Variants in WNT3 observed in about 807,000 individuals in gnomAD.
WNT3 encodes proto-oncogene Wnt-3.
WNT3 carries 7 observed loss-of-function variants against 34.2 expected under a neutral mutation model. That is an observed-to-expected ratio of 0.20 (90% CI 0.12 to 0.38). The LOEUF (loss-of-function observed/expected upper bound fraction) is 0.38. Ranked by LOEUF, WNT3 falls within the 10% of genes least tolerant of loss-of-function variation. WNT3 has a pLI of 1.00. For missense variants in WNT3, 267 were observed against 499.8 expected (o/e 0.53, Z 4.44); for synonymous variants, 212 against 211.5 (o/e 1.00, Z -0.02).
At chr17:46,811,360 T>C (rs1290016551) in intron 1 of WNT3, among the ~76,000 whole-genome samples, 1 of 152,012 alleles carries the variant, frequency 6.6e-6, no homozygotes, top group East Asian at 1.9e-4. Flanking sequence ...GCGGAAGTGA[T>C]TGTAGCTGCA....
Position 46,771,280 on chromosome 17 carries a change from C to T in WNT3, c.323-1232G>A, listed in dbSNP as rs543781286. ...GACGGCGGCAAGGGGGCCCGACGTC[C>T]CGCGTCCAGTTGTGCTCCCGGCCTC... is the stretch of plus-strand genomic sequence containing the variant. On this transcript the variant is annotated intron_variant, in intron 2 of 4. Coordinates refer to ENST00000225512, the MANE Select transcript of WNT3 (RefSeq NM_030753.5). 6.0e-4 allele frequency among the ~76,000 whole-genome samples: 92 copies of T among 152,234 alleles called. 1 individual carries two copies. The highest frequency in any genetic ancestry group is 2.1e-3 in the African/African-American group (86 of 41,574).
Position 46,768,919 on chromosome 17 carries a change from G to A in WNT3, c.589-120C>T, listed in dbSNP as rs1272992683. The A allele has an allele frequency of 2.8e-6, 4 of 1,440,092 alleles. No homozygotes were observed. The highest frequency in any genetic ancestry group is 2.7e-5 in the South Asian group (2 of 74,632). The allele number at this position is 1,440,092 out of a possible 1,614,324, so 89.2% of individuals were successfully genotyped here. ...CAGCCTTCTCTACTCCTCTGTGACA[G>A]GAAGAGAACTGATGGGGACTGAGGC... On this transcript the variant is annotated intron_variant, in intron 3 of 4. Coordinates refer to ENST00000225512, the MANE Select transcript of WNT3 (RefSeq NM_030753.5). The surrounding 1 kb of genome is among the most constrained non-coding windows in gnomAD (Gnocchi z 5.0).
At chr17:46,785,799 C>T (rs2146411053) in intron 1 of WNT3, among the ~76,000 whole-genome samples, 1 of 152,106 alleles carries the variant, frequency 6.6e-6, no homozygotes, top group Non-Finnish European at 1.5e-5. Flanking sequence ...GGGCCCTGTG[C>T]TCCATCCCAG....
At chr17:46,777,301 C>T (rs1170141897) in intron 1 of WNT3, among the ~76,000 whole-genome samples, 8 of 152,386 alleles carry the variant, frequency 5.2e-5, no homozygotes, top group Admixed American at 2.0e-4. Context: ...AAAGCCAGGC[C>T]GGCTGGCTTG....
intron 1 of WNT3, among the ~76,000 whole-genome samples, chr17:46,811,100 G>A (rs972052906): frequency 5.3e-5 from 8 of 152,094 alleles, no homozygotes; most frequent in South Asian, 2.1e-4. Flanking sequence ...AACTCCTCCC[G>A]GCTGTACAGG....
At position 46,810,221 on chromosome 17, in the gene WNT3, AG is replaced by A. The variant is rs764000994; in HGVS notation, c.80+8296del. On this transcript the variant is annotated intron_variant, in intron 1 of 4. Coordinates refer to ENST00000225512, the MANE Select transcript of WNT3 (RefSeq NM_030753.5). ...CAGGGTTTCACCATGTTGGCCAAGCAGGCCTCAAACTCCTGACCTCAGGTGA... is the reference window on the plus strand; with the variant it reads ...CAGGGTTTCACCATGTTGGCCAAGCAGCCTCAAACTCCTGACCTCAGGTGA... Among the ~76,000 whole-genome samples, 320 of 151,970 alleles carry A rather than the reference AG, an allele frequency of 2.1e-3. 4 individuals are homozygous for A. Among genetic ancestry groups the A allele is most frequent in the Non-Finnish European group, 1.6e-3 (109 of 67,928 alleles).
chr17:46,773,924 A>G lies in WNT3; in HGVS notation c.81-15T>C. 6.2e-7 allele frequency: 1 copy of G among 1,609,848 alleles called. No individual in the cohort carries two copies. The highest frequency in any genetic ancestry group is 8.5e-7 in the Non-Finnish European group (1 of 1,179,424). On this transcript the variant is annotated splice_polypyrimidine_tract_variant and intron_variant, in intron 1 of 4. Transcript: ENST00000225512. ...GGGCCAGGGACCTGCAGGCAGACAG[A>G]GGGTAGTAACACTGTGGGCACAAAG...
intron 1 of WNT3, among the ~76,000 whole-genome samples, chr17:46,812,074 G>A (rs962456146): frequency 2.6e-5 from 4 of 152,316 alleles, no homozygotes; most frequent in African/African-American, 4.8e-5. Context: ...TTTCCAGCCC[G>A]TCGCCATCCA....
intron 1 of WNT3, among the ~76,000 whole-genome samples, chr17:46,799,462 T>G (rs2084096769): frequency 1.3e-5 from 2 of 151,412 alleles, no homozygotes; most frequent in Non-Finnish European, 2.9e-5. Flanking sequence ...TTTTTTTTTT[T>G]TTCGAGATGG....
chr17:46,782,189 G>A (rs1478028435), intron 1 of WNT3, among the ~76,000 whole-genome samples: 4 of 152,162 alleles, frequency 2.6e-5, no homozygotes, highest in East Asian at 1.9e-4. Context: ...TTCTCCATGC[G>A]GAAATCTAAC....
chr17:46,776,989 G>A (rs1271824395), intron 1 of WNT3, among the ~76,000 whole-genome samples: 1 of 152,134 alleles, frequency 6.6e-6, no homozygotes, highest in Non-Finnish European at 1.5e-5. Flanking sequence ...GCTGAGCCCT[G>A]GTCCAGCAGC....
At chr17:46,816,772 A>G (rs1471484827) in intron 1 of WNT3, among the ~76,000 whole-genome samples, 2 of 151,992 alleles carry the variant, frequency 1.3e-5, no homozygotes, top group Non-Finnish European at 2.9e-5. Flanking sequence ...CCTGCCACCT[A>G]TGGGCCGCCA....
intron 1 of WNT3, among the ~76,000 whole-genome samples, chr17:46,807,717 A>G (rs374528087): frequency 3.3e-5 from 5 of 152,328 alleles, no homozygotes; most frequent in African/African-American, 9.6e-5. Context: ...AAAGACTCCA[A>G]CATGTCTGCC....
chr17:46,784,914 T>C (rs925699172), intron 1 of WNT3, among the ~76,000 whole-genome samples: 2 of 152,066 alleles, frequency 1.3e-5, no homozygotes, highest in Admixed American at 6.5e-5. Flanking sequence ...TAGCTGGGAC[T>C]ACAGGCACCC....
rs188748281 is a variant in WNT3, at chr17:46,763,986, C to A, written c.*644G>T. The A allele has an allele frequency of 6.6e-6, 1 of 152,212 alleles. No individual in the cohort carries two copies. Among genetic ancestry groups the A allele is most frequent in the Non-Finnish European group, 1.5e-5 (1 of 68,056 alleles). The allele number at this position is 152,212 out of a possible 1,614,324, so 9.4% of individuals were successfully genotyped here. The stretch of plus-strand genomic sequence containing the variant: ...GAAGAACACATGGCTGCTCTTCAAA[C>A]GGCTGACCAGGCCACCCTGAGCTGC... On this transcript the variant is annotated 3_prime_UTR_variant, in exon 5 of 5. Coordinates refer to ENST00000225512, the MANE Select transcript of WNT3 (RefSeq NM_030753.5).
chr17:46,805,324 GC>G (rs2084180606), intron 1 of WNT3, among the ~76,000 whole-genome samples: 4 of 152,104 alleles, frequency 2.6e-5, no homozygotes, highest in Admixed American at 2.6e-4. Flanking sequence ...TGTAATCCCA[GC>G]ATTTTGGGAG....
At position 46,768,596 on chromosome 17, in the gene WNT3, C is replaced by T. The variant is rs374511226; in HGVS notation, c.792G>A (p.Ser264=). The T allele has an allele frequency of 2.0e-5, 32 of 1,614,050 alleles. No individual in the cohort carries two copies. The highest frequency in any genetic ancestry group is 4.0e-5 in the African/African-American group (3 of 74,928). The change falls in exon 4 of 5, where the codon TCG becomes TCA. Residue 264 remains serine (S), a synonymous_variant. Coordinates refer to ENST00000225512, the MANE Select transcript of WNT3 (RefSeq NM_030753.5). The surrounding 1 kb of genome is among the most constrained non-coding windows in gnomAD (Gnocchi z 5.0). ...GWVETLRAKY[S]LFKPPTERDL... ...CCCTCTCCGTGGGTGGCTTGAAGAG[C>T]GAGTACTTGGCCCGGAGGGTCTCCA...
chr17:46,766,357 G>A (rs924800592), intron 4 of WNT3, among the ~76,000 whole-genome samples: 2 of 151,756 alleles, frequency 1.3e-5, no homozygotes, highest in South Asian at 4.2e-4. Context: ...ACAGTGAGCC[G>A]AGATTGCGCA....
intron 1 of WNT3, among the ~76,000 whole-genome samples, chr17:46,784,970 G>A (rs1454432356): frequency 1.3e-5 from 2 of 152,100 alleles, no homozygotes; most frequent in East Asian, 3.9e-4. Flanking sequence ...GTAGAGACGG[G>A]GTTTCACTGT....
Sources: allele counts gnomAD v4.1 joint callset (sites outside exome capture counted in the v4.1 genomes callset), GRCh38; gene constraint gnomAD v4.1.1; non-coding constraint Gnocchi (gnomAD v3.1); transcripts MANE v1.5; gene names NCBI Gene and HGNC (gene_info 2026-07-23, HGNC 2026-07-21).